RALYL: variants seen among roughly 807,000 people sequenced by gnomAD.
The protein encoded by RALYL is RNA-binding Raly-like protein.
Under a neutral mutation model 35.1 loss-of-function variants are expected in RALYL, and 29 were observed. The ratio of observed to expected loss-of-function variants is 0.83; its 90% confidence interval spans 0.61 to 1.13. The LOEUF (loss-of-function observed/expected upper bound fraction) is 1.13, where lower values mean the gene tolerates loss of function less well. Ranked by LOEUF, RALYL falls within the 50% of genes most tolerant of loss-of-function variation. The probability of loss-of-function intolerance (pLI) is 0.00; values close to 1 mark genes in which losing one functional copy is unlikely to be tolerated. For missense variants in RALYL, 359 were observed against 360.4 expected, an observed-to-expected ratio of 1.00 and a Z score of 0.03; for synonymous variants, 120 against 127.6, an observed-to-expected ratio of 0.94 and a Z score of 0.40.
chr8:84,604,174 T>C (rs992836326), intron 2 of RALYL, among the ~76,000 whole-genome samples: 1 of 152,150 alleles, frequency 6.6e-6, no homozygotes, highest in Non-Finnish European at 1.5e-5. Context: ...ATTAATCTAT[T>C]TGAATCTCTT....
At chr8:84,306,610 A>G (rs1841863403) in intron 1 of RALYL, among the ~76,000 whole-genome samples, 1 of 152,084 alleles carries the variant, frequency 6.6e-6, no homozygotes, top group African/African-American at 2.4e-5. Flanking sequence ...TGACAAACTC[A>G]TGCATGGACA....
intron 2 of RALYL, among the ~76,000 whole-genome samples, chr8:84,629,740 A>G (rs1823523389): frequency 6.6e-6 from 1 of 152,052 alleles, no homozygotes; most frequent in Non-Finnish European, 1.5e-5. Flanking sequence ...AAGGTTATGC[A>G]CTACAATACT....
chr8:84,220,983 A>G (rs1287543563), intron 1 of RALYL, among the ~76,000 whole-genome samples: 6 of 151,976 alleles, frequency 3.9e-5, no homozygotes, highest in Non-Finnish European at 8.8e-5. Context: ...CTTGCTGAAC[A>G]CTTTATAGGA....
At chr8:84,358,858 A>C (rs1277301855) in intron 1 of RALYL, among the ~76,000 whole-genome samples, 1 of 152,038 alleles carries the variant, frequency 6.6e-6, no homozygotes, top group Admixed American at 6.6e-5. Context: ...TATAAGAACT[A>C]TATGTGAGGT....
chr8:84,204,766 C>T (rs1817679895), intron 1 of RALYL, among the ~76,000 whole-genome samples: 1 of 152,042 alleles, frequency 6.6e-6, no homozygotes, highest in African/African-American at 2.4e-5. Flanking sequence ...ATAATCATTC[C>T]AAAAATAATT....
chr8:84,756,418 G>T (rs1263052312), intron 2 of RALYL, among the ~76,000 whole-genome samples: 1 of 152,024 alleles, frequency 6.6e-6, no homozygotes, highest in Non-Finnish European at 1.5e-5. Context: ...CCCACTCCGT[G>T]GCTAATGATA....
Position 84,605,562 on chromosome 8 carries a change from C to T in RALYL, c.256+75985C>T, listed in dbSNP as rs573425930. Among the ~76,000 whole-genome samples, 9 of 152,218 alleles carry T rather than the reference C, an allele frequency of 5.9e-5. No homozygotes were observed. The East Asian group carries it at 1.7e-3, about 30-fold the overall frequency. ...ATGTTCTCAATCTATAGGCTCAACCCTGTTCAGTTTTCTAGGTGATCCTGA... is the reference window on the plus strand; with the variant it reads ...ATGTTCTCAATCTATAGGCTCAACCTTGTTCAGTTTTCTAGGTGATCCTGA... On this transcript the variant is annotated intron_variant, in intron 2 of 8. Coordinates refer to ENST00000521268, the MANE Select transcript of RALYL (RefSeq NM_173848.7).
At chr8:84,731,904 G>A (rs768624920) in intron 2 of RALYL, among the ~76,000 whole-genome samples, 1 of 152,042 alleles carries the variant, frequency 6.6e-6, no homozygotes, top group Non-Finnish European at 1.5e-5. Context: ...GTTGCTTCAT[G>A]TGCTTGGATA....
intron 2 of RALYL, among the ~76,000 whole-genome samples, chr8:84,736,594 T>C (rs1847352809): frequency 6.6e-6 from 1 of 152,088 alleles, no homozygotes; most frequent in Admixed American, 6.6e-5. Context: ...GTGAGTATAA[T>C]AGGTAATAGG....
At chr8:84,348,194 T>C (rs892759222) in intron 1 of RALYL, among the ~76,000 whole-genome samples, 2 of 152,128 alleles carry the variant, frequency 1.3e-5, no homozygotes, top group African/African-American at 4.8e-5. Flanking sequence ...GCTACATATA[T>C]AGGCAGCTTT....
intron 1 of RALYL, among the ~76,000 whole-genome samples, chr8:84,492,241 G>A (rs146868488): frequency 1.7e-3 from 251 of 152,114 alleles, no homozygotes; most frequent in African/African-American, 5.9e-3. Flanking sequence ...ACAACTAAAA[G>A]TAACTTTCCA....
At chr8:84,230,677 A>G (rs1278231598) in intron 1 of RALYL, among the ~76,000 whole-genome samples, 2 of 152,138 alleles carry the variant, frequency 1.3e-5, no homozygotes, top group South Asian at 2.1e-4. Flanking sequence ...TGTTACTACT[A>G]TTTACTACTA....
At position 84,805,674 on chromosome 8, in the gene RALYL, G is replaced by T. The variant is rs545238366; in HGVS notation, c.365+872G>T. Among the ~76,000 whole-genome samples the T allele has an allele frequency of 7.2e-5, 11 of 152,258 alleles. No homozygotes were observed. In the South Asian group the frequency reaches 2.1e-3, roughly 29 times the overall value. ...ACTCCACTCCAGCCTGGGTGACAGA[G>T]CAAGACTCTGTCCCAAAAAGTAATA... On this transcript the variant is annotated intron_variant, in intron 4 of 8. Coordinates refer to ENST00000521268, the MANE Select transcript of RALYL (RefSeq NM_173848.7).
At chr8:84,642,503 G>A (rs1271024664) in intron 2 of RALYL, among the ~76,000 whole-genome samples, 1 of 151,964 alleles carries the variant, frequency 6.6e-6, no homozygotes, top group Non-Finnish European at 1.5e-5. Context: ...AAAGCAGGTA[G>A]AAAGAAAACA....
intron 1 of RALYL, among the ~76,000 whole-genome samples, chr8:84,297,724 C>T (rs1280267001): frequency 6.6e-6 from 1 of 152,028 alleles, no homozygotes; most frequent in Non-Finnish European, 1.5e-5. Context: ...TGTCCCCTGA[C>T]TTTTTAATAA....
intron 1 of RALYL, among the ~76,000 whole-genome samples, chr8:84,354,102 T>C (rs1437356250): frequency 2.7e-5 from 4 of 149,570 alleles, no homozygotes; most frequent in Non-Finnish European, 4.4e-5. Context: ...AAAGAAAGTG[T>C]ATTGTGGCTA....
chr8:84,584,404 A>G (rs894689716), intron 2 of RALYL, among the ~76,000 whole-genome samples: 2 of 152,040 alleles, frequency 1.3e-5, no homozygotes, highest in African/African-American at 4.8e-5. Flanking sequence ...AGAGATAGAG[A>G]CCACCCTGGC....
At chr8:84,438,626 A>G (rs2132887387) in intron 1 of RALYL, among the ~76,000 whole-genome samples, 1 of 152,156 alleles carries the variant, frequency 6.6e-6, no homozygotes, top group East Asian at 1.9e-4. Flanking sequence ...TCCTGAGCTC[A>G]AGTGATTCGC....
At chr8:84,293,551 A>G (rs867512016) in intron 1 of RALYL, among the ~76,000 whole-genome samples, 1 of 152,076 alleles carries the variant, frequency 6.6e-6, no homozygotes, top group Non-Finnish European at 1.5e-5. Flanking sequence ...TTCTGTGTTG[A>G]TATAAACACC....
Sources: gnomAD v4.1 joint callset for allele counts (sites outside exome capture counted in the v4.1 genomes callset) on GRCh38, gnomAD v4.1.1 for gene constraint, MANE v1.5 for transcripts, NCBI Gene and HGNC (gene_info 2026-07-23, HGNC 2026-07-21) for gene names.